TBC1D1: variants seen among roughly 807,000 people sequenced by gnomAD.
TBC1D1 encodes the protein TBC1 domain family member 1.
Under a neutral mutation model 125.6 loss-of-function variants are expected in TBC1D1, and 89 were observed. The observed-to-expected ratio is 0.71, with a 90% CI of 0.60 to 0.85. TBC1D1 has a LOEUF of 0.85. TBC1D1 is among the 40% of genes least tolerant of loss of function. TBC1D1 has a pLI of 0.00. For synonymous variants in TBC1D1, 565 were observed against 564.1 expected (o/e 1.00, Z -0.02); for missense variants, 1,377 against 1,469.2 (o/e 0.94, Z 1.03).
At chr4:38,101,077 G>A (rs1760231733) in intron 14 of TBC1D1, among the ~76,000 whole-genome samples, 1 of 152,152 alleles carries the variant, frequency 6.6e-6, no homozygotes, top group Non-Finnish European at 1.5e-5. Context: ...TTATGAGTAT[G>A]GTATGGGCCA....
chr4:37,919,928 C>G (rs1018695854), intron 2 of TBC1D1, among the ~76,000 whole-genome samples: 2 of 152,074 alleles, frequency 1.3e-5, no homozygotes, highest in Non-Finnish European at 2.9e-5. Flanking sequence ...CTGGCTAACA[C>G]GGTGCAACTC....
intron 2 of TBC1D1, among the ~76,000 whole-genome samples, chr4:37,985,544 G>T (rs1578157194): frequency 6.6e-6 from 1 of 152,218 alleles, no homozygotes; most frequent in African/African-American, 2.4e-5. Context: ...CTGTTTTCTT[G>T]TGTCTGAAAT....
chr4:38,002,502 A>G (rs1739270723), intron 2 of TBC1D1, among the ~76,000 whole-genome samples: 1 of 152,186 alleles, frequency 6.6e-6, no homozygotes, highest in Admixed American at 6.5e-5. Context: ...CTCTTCTAAG[A>G]CCTATTTGAA....
intron 2 of TBC1D1, among the ~76,000 whole-genome samples, chr4:37,904,226 AGGC>A (rs879932036): frequency 0.019 from 2,826 of 152,362 alleles, 89 homozygotes; most frequent in African/African-American, 0.065. Flanking sequence ...ATTTTACTAG[AGGC>A]AGATTATATG....
intron 11 of TBC1D1, 130 bp from the exon 12 acceptor site, chr4:38,051,769 C>A: frequency 1.2e-6 from 1 of 837,358 alleles, no homozygotes; most frequent in Non-Finnish European, 1.8e-6. Context: ...TGGAAGAAGT[C>A]CTCCACTCTG....
rs1335060255 is a variant in TBC1D1 at position 38,044,310 on chromosome 4, T to G, written c.1414-52T>G. Reference sequence around the variant, plus strand: ...GTGTCCTAGAGATTTTTCATTCCTTTAAGAAGCAGAGAAGGGAGCGATAAA... The same window carrying G: ...GTGTCCTAGAGATTTTTCATTCCTTGAAGAAGCAGAGAAGGGAGCGATAAA... On this transcript the variant is annotated intron_variant, in intron 8 of 19. Transcript: ENST00000261439. The G allele has an allele frequency of 1.9e-6, 3 of 1,554,830 alleles. No individual in the cohort carries two copies. The Admixed American group carries it at 6.3e-5, about 33-fold the overall frequency.
At chr4:37,978,561 G>T (rs1733721748) in intron 2 of TBC1D1, among the ~76,000 whole-genome samples, 3 of 152,188 alleles carry the variant, frequency 2.0e-5, no homozygotes, top group African/African-American at 7.2e-5. Context: ...AGCAGGTATG[G>T]CTTTGCCTGT....
At position 37,982,063 on chromosome 4, in the gene TBC1D1, C is replaced by T. The variant is rs142012045; in HGVS notation, c.418-32446C>T. The stretch of plus-strand genomic sequence containing the variant: ...ATGTTGAGTACGAGTACAACTTGCC[C>T]TTCCATCATCTCTTTCTTCTAAGCA... On this transcript the variant is annotated intron_variant, in intron 2 of 19. Transcript: ENST00000261439. Among the ~76,000 whole-genome samples the T allele has an allele frequency of 4.2e-3, 646 of 152,280 alleles. 4 individuals carry two copies. Among genetic ancestry groups the T allele is most frequent in the African/African-American group, 0.014 (589 of 41,548 alleles).
chr4:38,026,166 A>C (rs527566557), intron 6 of TBC1D1, among the ~76,000 whole-genome samples: 3 of 152,318 alleles, frequency 2.0e-5, no homozygotes, highest in African/African-American at 7.2e-5. Context: ...GCATAGTAGC[A>C]GTCACTTAAA....
intron 12 of TBC1D1, among the ~76,000 whole-genome samples, chr4:38,066,506 C>T (rs1249074564): frequency 6.6e-6 from 1 of 151,434 alleles, no homozygotes; most frequent in East Asian, 2.0e-4. Context: ...TAAATGTTTA[C>T]AGTTTTTGTA....
chr4:38,021,684 G>A lies in TBC1D1; in HGVS notation c.1176G>A (p.Leu392=), dbSNP rs1350081880. 6.3e-7 allele frequency: 1 copy of A among 1,592,754 alleles called. No homozygotes were observed. Among genetic ancestry groups the A allele is most frequent in the Admixed American group, 1.8e-5 (1 of 56,244 alleles). Reference sequence around the variant, plus strand: ...CCCAGCTGTGTGAGGGCTGCCCCCTGCAAAGCCTGCACAAGCTCTGTGAGA... The same window carrying A: ...CCCAGCTGTGTGAGGGCTGCCCCCTACAAAGCCTGCACAAGCTCTGTGAGA... The change falls in exon 6 of 20, where the codon CTG becomes CTA. Residue 392 remains leucine, a synonymous_variant. Transcript: ENST00000261439.
chr4:38,136,208 G>A (rs1766580899), intron 19 of TBC1D1, among the ~76,000 whole-genome samples: 1 of 152,156 alleles, frequency 6.6e-6, no homozygotes, highest in Non-Finnish European at 1.5e-5. Context: ...TTAGAGAGAC[G>A]AGGGACAGTT....
intron 9 of TBC1D1, among the ~76,000 whole-genome samples, chr4:38,044,861 A>C (rs989970756): frequency 9.9e-5 from 15 of 152,230 alleles, no homozygotes; most frequent in Non-Finnish European, 2.1e-4. Context: ...GGTGTTAGCT[A>C]TCTAAAAGGC....
rs533163846 is a variant in TBC1D1 at position 38,111,044 on chromosome 4, C to T, written c.2558-4666C>T. 3.9e-5 allele frequency among the ~76,000 whole-genome samples: 6 copies of T among 152,374 alleles called. No homozygotes were observed. In the South Asian group the frequency reaches 1.0e-3, roughly 26 times the overall value. ...GGCTGAGTGTGTTCTCAGGGGTGCT[C>T]TGCCCACGGCTCCGGCCAACTGCTG... On this transcript the variant is annotated intron_variant, in intron 15 of 19. Coordinates refer to ENST00000261439, the MANE Select transcript of TBC1D1 (RefSeq NM_015173.4).
intron 13 of TBC1D1, among the ~76,000 whole-genome samples, chr4:38,093,589 A>G (rs574010263): frequency 2.0e-5 from 3 of 149,954 alleles, no homozygotes; most frequent in African/African-American, 4.9e-5. Flanking sequence ...CAGTGGCACA[A>G]TCTCGGCTCA....
intron 14 of TBC1D1, among the ~76,000 whole-genome samples, chr4:38,098,486 T>G (rs1759749974): frequency 6.6e-6 from 1 of 152,220 alleles, no homozygotes; most frequent in South Asian, 2.1e-4. Context: ...TCTAGGAATC[T>G]GGACCCTGGG....
chr4:37,942,829 C>T (rs980786683), intron 2 of TBC1D1, among the ~76,000 whole-genome samples: 5 of 152,090 alleles, frequency 3.3e-5, no homozygotes, highest in Non-Finnish European at 7.4e-5. Context: ...CGTGAGCCAC[C>T]GTGCCCGGCT....
intron 2 of TBC1D1, among the ~76,000 whole-genome samples, chr4:37,985,912 T>A (rs1468791756): frequency 6.6e-6 from 1 of 152,196 alleles, no homozygotes; most frequent in Non-Finnish European, 1.5e-5. Context: ...TTGTAGGTCA[T>A]TGATGTGGTG....
chr4:38,109,837 G>C (rs1761941524), intron 15 of TBC1D1, among the ~76,000 whole-genome samples: 1 of 152,234 alleles, frequency 6.6e-6, no homozygotes, highest in Non-Finnish European at 1.5e-5. Context: ...TGTATCCTCA[G>C]TGTCTCATTT....
Sources: allele counts gnomAD v4.1 joint callset (sites outside exome capture counted in the v4.1 genomes callset), GRCh38; gene constraint gnomAD v4.1.1; transcripts MANE v1.5; gene names NCBI Gene and HGNC (gene_info 2026-07-23, HGNC 2026-07-21).